PKIB: variants seen among roughly 807,000 people sequenced by gnomAD.
PKIB encodes the protein PKI-beta.
In PKIB, 2 loss-of-function variants were observed where a neutral mutation model predicts 4.5. The observed-to-expected ratio is 0.44, with a 90% CI of 0.18 to 1.39. The LOEUF (loss-of-function observed/expected upper bound fraction) is 1.39, where lower values mean the gene tolerates loss of function less well. PKIB is among the 40% of genes most tolerant of loss of function. The probability of loss-of-function intolerance (pLI) is 0.27; values close to 1 mark genes in which losing one functional copy is unlikely to be tolerated. For synonymous variants in PKIB, 38 were observed against 36.0 expected, an observed-to-expected ratio of 1.06 and a Z score of -0.20; for missense variants, 94 against 92.6, an observed-to-expected ratio of 1.02 and a Z score of -0.06.
intron 3 of PKIB, among the ~76,000 whole-genome samples, chr6:122,676,383 T>A (rs1357979367): frequency 6.6e-6 from 1 of 152,086 alleles, no homozygotes; most frequent in East Asian, 1.9e-4. Context: ...CCTCCCGCTG[T>A]GTGGCCCAGT....
At chr6:122,580,789 A>T (rs147058704) in intron 2 of PKIB, among the ~76,000 whole-genome samples, 129 of 152,304 alleles carry the variant, frequency 8.5e-4, no homozygotes, top group Non-Finnish European at 1.2e-3. Flanking sequence ...CTCCAGAATG[A>T]AATGTTAATG....
chr6:122,594,765 T>C (rs1774122732), intron 3 of PKIB, among the ~76,000 whole-genome samples: 1 of 152,188 alleles, frequency 6.6e-6, no homozygotes, highest in Admixed American at 6.5e-5. Context: ...CCTGCCTGGA[T>C]TGGGCTGTTG....
In PKIB at chr6:122,628,311, AC is replaced by A. The variant is rs1775550631; in HGVS notation, c.-160-4971del. Among the ~76,000 whole-genome samples the A allele has an allele frequency of 1.1e-4, 16 of 152,358 alleles. No individual in the cohort carries two copies. In the South Asian group the frequency reaches 3.1e-3, roughly 30 times the overall value. On this transcript the variant is annotated intron_variant, in intron 1 of 4. Transcript: ENST00000368452. The stretch of plus-strand genomic sequence containing the variant: ...CTCGGCCTCCCAAAGTGCTGGGATT[AC>A]AGGCGTGAGCCACCGCGCCCGGCCT...
intron 3 of PKIB, chr6:122,701,506 G>A: frequency 6.3e-7 from 1 of 1,595,928 alleles, no homozygotes; most frequent in South Asian, 1.1e-5. Context: ...CCAGGGTATA[G>A]TTAACAACCA....
intron 3 of PKIB, among the ~76,000 whole-genome samples, chr6:122,713,146 AT>A (rs1302870558): frequency 6.6e-6 from 1 of 152,130 alleles, no homozygotes; most frequent in Admixed American, 6.6e-5. Context: ...TGAAAATTGT[AT>A]ATTTTCAATA....
chr6:122,721,225 A>T (rs1779728279), intron 4 of PKIB, among the ~76,000 whole-genome samples: 1 of 152,226 alleles, frequency 6.6e-6, no homozygotes, highest in African/African-American at 2.4e-5. Context: ...GCCCAAGCTC[A>T]CAAAAATTAA....
intron 2 of PKIB, among the ~76,000 whole-genome samples, chr6:122,499,170 T>C (rs1287057594): frequency 6.6e-6 from 1 of 152,124 alleles, no homozygotes; most frequent in African/African-American, 2.4e-5. Flanking sequence ...ACTAAAACTA[T>C]TCCAAAAAAC....
At chr6:122,505,767 G>A (rs1470111396) in intron 2 of PKIB, among the ~76,000 whole-genome samples, 1 of 152,112 alleles carries the variant, frequency 6.6e-6, no homozygotes, top group Non-Finnish European at 1.5e-5. Context: ...TGAATAGGGA[G>A]TTATGTAGAA....
intron 2 of PKIB, chr6:122,482,967 G>A (rs561470): frequency 0.57 from 85,581 of 151,326 alleles, 24,497 homozygotes; most frequent in South Asian, 0.68. Flanking sequence ...TTGGCTGAAA[G>A]TTAAATAAGC....
chr6:122,624,642 A>G (rs954964204), intron 1 of PKIB, among the ~76,000 whole-genome samples: 34 of 152,314 alleles, frequency 2.2e-4, no homozygotes, highest in African/African-American at 7.7e-4. Flanking sequence ...AGGAGAAAAT[A>G]TATATAAAAT....
At chr6:122,671,480 G>A (rs1349940460) in intron 2 of PKIB, among the ~76,000 whole-genome samples, 2 of 152,068 alleles carry the variant, frequency 1.3e-5, no homozygotes, top group Non-Finnish European at 2.9e-5. Context: ...AGCCTTTACC[G>A]GAACATGCCT....
intron 3 of PKIB, among the ~76,000 whole-genome samples, chr6:122,713,168 T>G (rs375039023): frequency 6.6e-6 from 1 of 152,126 alleles, no homozygotes; most frequent in Non-Finnish European, 1.5e-5. Flanking sequence ...GAGATAGAAG[T>G]GTGTCTCAGG....
chr6:122,561,880 A>G (rs1397963476), intron 2 of PKIB, among the ~76,000 whole-genome samples: 14 of 150,158 alleles, frequency 9.3e-5, no homozygotes, highest in Non-Finnish European at 2.1e-4. Context: ...ATGGTTCTAT[A>G]TCTTTTAAAT....
chr6:122,529,988 G>T (rs1486009594), intron 2 of PKIB, among the ~76,000 whole-genome samples: 1 of 151,874 alleles, frequency 6.6e-6, no homozygotes. Context: ...TCAGATCTGG[G>T]CTATTTTCAG....
intron 1 of PKIB, among the ~76,000 whole-genome samples, chr6:122,615,991 T>TA (rs1223260123): frequency 3.3e-4 from 50 of 152,182 alleles, no homozygotes; most frequent in Admixed American, 3.3e-3. Flanking sequence ...ATCAAACTAA[T>TA]ACAGTGGGTG....
chr6:122,610,671 A>C (rs1180462117), intron 1 of PKIB, 136 bp downstream of exon 1: 1 of 152,322 alleles, frequency 6.6e-6, no homozygotes, highest in Non-Finnish European at 1.5e-5. Context: ...CCCTGCTGGC[A>C]CAAATATGGG....
intron 2 of PKIB, among the ~76,000 whole-genome samples, chr6:122,486,163 C>T (rs1407312150): frequency 6.6e-6 from 1 of 152,086 alleles, no homozygotes; most frequent in Admixed American, 6.6e-5. Flanking sequence ...CTTTTAAATC[C>T]ATCACTGTCC....
At chr6:122,563,920 T>A (rs1666027017) in intron 2 of PKIB, among the ~76,000 whole-genome samples, 1 of 152,150 alleles carries the variant, frequency 6.6e-6, no homozygotes, top group South Asian at 2.1e-4. Flanking sequence ...CCCCTGCTGG[T>A]GGAGTCTGCA....
intron 2 of PKIB, among the ~76,000 whole-genome samples, chr6:122,498,754 T>A (rs1479679263): frequency 6.6e-6 from 1 of 152,120 alleles, no homozygotes; most frequent in Admixed American, 6.5e-5. Context: ...CAAAAATCCT[T>A]ACAAGGGATC....
Sources: gnomAD v4.1 joint callset for allele counts (sites outside exome capture counted in the v4.1 genomes callset) on GRCh38, gnomAD v4.1.1 for gene constraint, MANE v1.5 for transcripts, NCBI Gene and HGNC (gene_info 2026-07-23, HGNC 2026-07-21) for gene names.